Variants in KIAA1549 observed in about 807,000 individuals in gnomAD.
The protein encoded by KIAA1549 is UPF0606 protein KIAA1549.
A neutral mutation model predicts 156.4 loss-of-function variants in KIAA1549; 70 were observed. That is an observed-to-expected ratio of 0.45 (90% CI 0.37 to 0.55). The LOEUF (loss-of-function observed/expected upper bound fraction) is 0.55. KIAA1549 is among the 20% of genes least tolerant of loss of function. KIAA1549 has a pLI of 0.00. For synonymous variants in KIAA1549, 1,103 were observed against 1,066.4 expected (o/e 1.03, Z -0.67); for missense variants, 2,428 against 2,540.9 (o/e 0.96, Z 0.96).
chr7:138,849,934 C>T (rs1246880414), intron 17 of KIAA1549, among the ~76,000 whole-genome samples: 2 of 151,986 alleles, frequency 1.3e-5, no homozygotes, highest in Admixed American at 6.6e-5. Flanking sequence ...ATTGTGTATG[C>T]GTACCACTTT....
rs372285192 is a variant in KIAA1549, at chr7:138,871,329, T to A, written c.4379A>T (p.His1460Leu). Reference protein sequence around the residue: ...PPLPSSGNEQHSSASIFEHVD... With the variant: ...PPLPSSGNEQLSSASIFEHVD... ...GTGCTCGAAGATGGAGGCTGATGAGTGCTGCTCATTTCCCGAACTGGGCAG... is the reference window on the plus strand; with the variant it reads ...GTGCTCGAAGATGGAGGCTGATGAGAGCTGCTCATTTCCCGAACTGGGCAG... Residue 1460 changes from histidine (H) to leucine (L), a missense_variant, in exon 13 of 20, where the codon CAC becomes CTC. This residue lies in a region of KIAA1549 where 404 missense variants were observed against 417.0 expected (regional missense o/e 0.97). Transcript: ENST00000422774. 10 of 1,578,584 alleles carry A rather than the reference T, an allele frequency of 6.3e-6. No individual in the cohort carries two copies. The East Asian group carries it at 2.0e-4, about 32-fold the overall frequency.
intron 16 of KIAA1549, among the ~76,000 whole-genome samples, chr7:138,859,843 C>T (rs1157674301): frequency 2.0e-5 from 3 of 152,212 alleles, no homozygotes; most frequent in Admixed American, 6.5e-5. Context: ...CTGTCCCATA[C>T]ACTTTAATTT....
At chr7:138,965,405 G>C (rs1195004166) in intron 1 of KIAA1549, among the ~76,000 whole-genome samples, 1 of 152,150 alleles carries the variant, frequency 6.6e-6, no homozygotes, top group African/African-American at 2.4e-5. Context: ...TGCCCAGGCT[G>C]GTCTTGAACT....
intron 15 of KIAA1549, among the ~76,000 whole-genome samples, chr7:138,863,684 A>AC (rs1442767062): frequency 6.6e-6 from 1 of 152,156 alleles, no homozygotes; most frequent in African/African-American, 2.4e-5. Flanking sequence ...CACAGAAACC[A>AC]CCAACTGCCG....
intron 9 of KIAA1549, among the ~76,000 whole-genome samples, chr7:138,897,076 A>G (rs1811703597): frequency 6.6e-6 from 1 of 152,166 alleles, no homozygotes; most frequent in Non-Finnish European, 1.5e-5. Flanking sequence ...TACAAAACTG[A>G]GGAAAAGAGG....
At chr7:138,911,952 T>C (rs1288204798) in intron 3 of KIAA1549, among the ~76,000 whole-genome samples, 1 of 152,190 alleles carries the variant, frequency 6.6e-6, no homozygotes, top group Non-Finnish European at 1.5e-5. Flanking sequence ...GATCATTCAG[T>C]CTAAAAGATT....
At chr7:138,914,036 A>T (rs1358439883) in intron 2 of KIAA1549, among the ~76,000 whole-genome samples, 1 of 139,022 alleles carries the variant, frequency 7.2e-6, no homozygotes, top group African/African-American at 2.6e-5. Context: ...GGAAGGGAGG[A>T]AGGCAGGGAG....
chr7:138,914,870 T>G (rs891347604), intron 2 of KIAA1549, among the ~76,000 whole-genome samples: 4 of 152,180 alleles, frequency 2.6e-5, no homozygotes, highest in African/African-American at 9.7e-5. Context: ...ATATGAAAGT[T>G]AAATCCAGCT....
intron 1 of KIAA1549, among the ~76,000 whole-genome samples, chr7:138,980,681 C>T (rs186841371): frequency 1.3e-5 from 2 of 152,358 alleles, no homozygotes; most frequent in South Asian, 2.1e-4. Context: ...ACCTCGAATC[C>T]ACCTCTTCGC....
chr7:138,976,575 T>C (rs1031341590), intron 1 of KIAA1549, among the ~76,000 whole-genome samples: 5 of 152,214 alleles, frequency 3.3e-5, no homozygotes, highest in Admixed American at 1.3e-4. Context: ...GTTATTATTG[T>C]TAATCTCTTA....
chr7:138,871,095 G>C, intron 13 of KIAA1549, 62 bp downstream of exon 13: 1 of 1,500,784 alleles, frequency 6.7e-7, no homozygotes. Context: ...GGGATTACAG[G>C]CATAAGCCAC....
At chr7:138,846,113 T>G (rs530038620) in intron 17 of KIAA1549, among the ~76,000 whole-genome samples, 4 of 152,200 alleles carry the variant, frequency 2.6e-5, no homozygotes, top group Non-Finnish European at 5.9e-5. Flanking sequence ...TTTGACTGCC[T>G]CACCAAGGAC....
At chr7:138,925,398 C>G (rs1812683828) in intron 1 of KIAA1549, among the ~76,000 whole-genome samples, 1 of 152,078 alleles carries the variant, frequency 6.6e-6, no homozygotes, top group Admixed American at 6.6e-5. Flanking sequence ...AAAATAGCAC[C>G]CGCAGGGCCA....
intron 16 of KIAA1549, among the ~76,000 whole-genome samples, chr7:138,853,591 A>G (rs189511670): frequency 3.9e-5 from 6 of 152,330 alleles, no homozygotes; most frequent in Admixed American, 2.6e-4. Flanking sequence ...CCACATTCAC[A>G]GAGTTCTAAG....
Position 138,869,620 on chromosome 7 carries a change from A to G in KIAA1549, c.4693T>C (p.Tyr1565His). 1 of 1,607,394 alleles carries G rather than the reference A, an allele frequency of 6.2e-7. No individual in the cohort carries two copies. The highest frequency in any genetic ancestry group is 8.5e-7 in the Non-Finnish European group (1 of 1,177,954). The change falls in exon 14 of 20, where the codon TAC becomes CAC. Residue 1565 changes from tyrosine (Y) to histidine (H), a missense_variant. This residue lies in a region of KIAA1549 where 404 missense variants were observed against 417.0 expected (regional missense o/e 0.97). Transcript: ENST00000422774. ...SGDTKERHRV[Y>H]RRAQMQIDKI... Reference sequence around the variant, plus strand: ...TCGATCTGCATCTGTGCCCTGCGGTACACCCGGTGTCGCTCCTTAGTGTCG... The same window carrying G: ...TCGATCTGCATCTGTGCCCTGCGGTGCACCCGGTGTCGCTCCTTAGTGTCG...
chr7:138,950,703 G>A (rs979264691), intron 1 of KIAA1549, among the ~76,000 whole-genome samples: 28 of 152,160 alleles, frequency 1.8e-4, no homozygotes, highest in African/African-American at 5.3e-4. Flanking sequence ...AAAGGTGGCC[G>A]AGGCCCGCCA....
chr7:138,886,917 T>C (rs930392209), intron 10 of KIAA1549, among the ~76,000 whole-genome samples: 20 of 152,128 alleles, frequency 1.3e-4, no homozygotes, highest in Non-Finnish European at 1.2e-4. Flanking sequence ...ATGATTTTTT[T>C]TTGAGATGGA....
chr7:138,899,049 G>A lies in KIAA1549; in HGVS notation c.3753C>T (p.Leu1251=). 1.2e-6 allele frequency: 2 copies of A among 1,613,368 alleles called. No individual in the cohort carries two copies. The highest frequency in any genetic ancestry group is 8.5e-7 in the Non-Finnish European group (1 of 1,179,356). ...YFVEDQDGER[L]SAVKSSDLIN... ...TCAGGTCCGAAGACTTGACTGCACT[G>A]AGTCTTTCTCCATCTTGATCCTCCA... The change falls in exon 9 of 20, where the codon CTC becomes CTT. Residue 1251 remains leucine (L), a synonymous_variant. Transcript: ENST00000422774.
chr7:138,848,548 C>T (rs1810145749), intron 17 of KIAA1549, among the ~76,000 whole-genome samples: 1 of 152,162 alleles, frequency 6.6e-6, no homozygotes. Context: ...CCTTTTGTGT[C>T]TACTGCTGGT....
Sources: allele counts gnomAD v4.1 joint callset (sites outside exome capture counted in the v4.1 genomes callset), GRCh38; gene constraint gnomAD v4.1.1; regional missense constraint gnomAD v4.1.1; transcripts MANE v1.5; gene names NCBI Gene and HGNC (gene_info 2026-07-23, HGNC 2026-07-21).